Variants in LYPD6B observed in about 807,000 individuals in gnomAD.
LYPD6B encodes the protein ly6/PLAUR domain-containing protein 6B.
LYPD6B carries 17 observed loss-of-function variants against 22.8 expected under a neutral mutation model. The ratio of observed to expected loss-of-function variants is 0.75; its 90% confidence interval spans 0.51 to 1.12. The LOEUF is 1.12. Ranked by LOEUF, LYPD6B falls within the 50% of genes most tolerant of loss-of-function variation. The probability of loss-of-function intolerance (pLI) is 0.00; values close to 1 mark genes in which losing one functional copy is unlikely to be tolerated. For missense variants in LYPD6B, 221 were observed against 258.3 expected, an observed-to-expected ratio of 0.86 and a Z score of 0.99; for synonymous variants, 106 against 91.6, an observed-to-expected ratio of 1.16 and a Z score of -0.90.
chr2:149,047,171 A>T (rs1420669317), intron 1 of LYPD6B, among the ~76,000 whole-genome samples: 2 of 152,154 alleles, frequency 1.3e-5, no homozygotes, highest in African/African-American at 4.8e-5. Flanking sequence ...CTTTGTGTAG[A>T]TCCAAGTTTT....
chr2:149,160,471 A>T, intron 2 of LYPD6B: 1 of 516,430 alleles, frequency 1.9e-6, no homozygotes, highest in Non-Finnish European at 3.8e-6. Flanking sequence ...TTGTGGAGGG[A>T]TGTGATGAGG....
chr2:149,198,681 G>C (rs1438671570), intron 3 of LYPD6B, among the ~76,000 whole-genome samples: 1 of 152,126 alleles, frequency 6.6e-6, no homozygotes, highest in African/African-American at 2.4e-5. Context: ...AAAAGCTTCT[G>C]TCTTTGGCAT....
At chr2:149,079,210 T>G (rs1396645675) in intron 1 of LYPD6B, among the ~76,000 whole-genome samples, 1 of 152,158 alleles carries the variant, frequency 6.6e-6, no homozygotes, top group Non-Finnish European at 1.5e-5. Flanking sequence ...AACTTTGGAC[T>G]GGTATCCAGC....
intron 2 of LYPD6B, among the ~76,000 whole-genome samples, chr2:149,157,390 A>G (rs954795227): frequency 6.6e-6 from 1 of 152,170 alleles, no homozygotes; most frequent in African/African-American, 2.4e-5. Flanking sequence ...TGTTGTTTAA[A>G]TGACATGTTC....
chr2:149,173,349 C>CTTTTTTTTTTTTTTTTTTTTT (rs67113716), intron 3 of LYPD6B, among the ~76,000 whole-genome samples: 13 of 58,484 alleles, frequency 2.2e-4, no homozygotes, highest in African/African-American at 3.9e-4. Flanking sequence ...TCTGTCAGGC[C>CTTTTTTTTTTTTTTTTTTTTT]TTTTTTTTTT....
chr2:149,115,997 G>A (rs1035182993), intron 1 of LYPD6B, among the ~76,000 whole-genome samples: 6 of 152,284 alleles, frequency 3.9e-5, no homozygotes, highest in Non-Finnish European at 5.9e-5. Flanking sequence ...TACTGAGACC[G>A]TATTGCAGTG....
At chr2:149,147,060 G>A (rs568162151) in intron 2 of LYPD6B, among the ~76,000 whole-genome samples, 2 of 152,240 alleles carry the variant, frequency 1.3e-5, no homozygotes, top group South Asian at 4.2e-4. Context: ...AGACTCCAGG[G>A]CGGAGAAGCA....
intron 1 of LYPD6B, among the ~76,000 whole-genome samples, chr2:149,090,558 A>G (rs1685604127): frequency 6.6e-6 from 1 of 152,146 alleles, no homozygotes; most frequent in African/African-American, 2.4e-5. Flanking sequence ...AGGATTGTTC[A>G]TGTTAAACCA....
At chr2:149,199,221 T>C (rs17528452) in intron 3 of LYPD6B, among the ~76,000 whole-genome samples, 15,534 of 152,258 alleles carry the variant, frequency 0.1, 912 homozygotes, top group Non-Finnish European at 0.11. Context: ...AGAAGTTTCC[T>C]GTGTGACTCT....
intron 3 of LYPD6B, among the ~76,000 whole-genome samples, chr2:149,192,341 T>C (rs1692546174): frequency 1.3e-5 from 2 of 152,160 alleles, no homozygotes; most frequent in Admixed American, 6.5e-5. Context: ...TCTTGGATAC[T>C]TTGATATTGG....
At chr2:149,107,219 CA>C (rs1164346551) in intron 1 of LYPD6B, among the ~76,000 whole-genome samples, 1 of 151,956 alleles carries the variant, frequency 6.6e-6, no homozygotes, top group East Asian at 1.9e-4. Context: ...GATGAGATAC[CA>C]CAGTAATCAA....
intron 1 of LYPD6B, among the ~76,000 whole-genome samples, chr2:149,066,430 G>A (rs193111053): frequency 2.5e-4 from 38 of 150,002 alleles, no homozygotes; most frequent in Non-Finnish European, 5.0e-4. Flanking sequence ...TGCAGTGTTT[G>A]GTTTTTTGTC....
intron 6 of LYPD6B, among the ~76,000 whole-genome samples, 180 bp from the exon 7 acceptor site, chr2:149,214,366 A>C (rs962035988): frequency 1.3e-5 from 2 of 152,086 alleles, no homozygotes; most frequent in African/African-American, 4.8e-5. Flanking sequence ...TTTCCCTTCC[A>C]TTCTATTGGC....
intron 1 of LYPD6B, among the ~76,000 whole-genome samples, chr2:149,086,911 A>T (rs938109039): frequency 6.6e-6 from 1 of 152,068 alleles, no homozygotes; most frequent in African/African-American, 2.4e-5. Context: ...TTAAATAAGG[A>T]TATCCGCCAT....
At chr2:149,059,964 T>A (rs988703443) in intron 1 of LYPD6B, among the ~76,000 whole-genome samples, 1 of 151,812 alleles carries the variant, frequency 6.6e-6, no homozygotes, top group Non-Finnish European at 1.5e-5. Flanking sequence ...AGTTGGTGGA[T>A]TTGGTAAACT....
At chr2:149,054,711 C>T (rs1340324826) in intron 1 of LYPD6B, among the ~76,000 whole-genome samples, 1 of 151,760 alleles carries the variant, frequency 6.6e-6, no homozygotes. Flanking sequence ...TCTGTCTCTA[C>T]AAAAAAGAAA....
At chr2:149,184,146 T>C (rs1691941698) in intron 3 of LYPD6B, among the ~76,000 whole-genome samples, 1 of 151,818 alleles carries the variant, frequency 6.6e-6, no homozygotes, top group Non-Finnish European at 1.5e-5. Context: ...GAGCCAAGAT[T>C]GAGCCATTGC....
At chr2:149,209,664 C>G (rs1693720751) in intron 5 of LYPD6B, among the ~76,000 whole-genome samples, 1 of 152,176 alleles carries the variant, frequency 6.6e-6, no homozygotes. Context: ...CCAATAAATA[C>G]TAATCCAATA....
chr2:149,156,621 G>A (rs229321), intron 2 of LYPD6B, among the ~76,000 whole-genome samples: 120,072 of 152,060 alleles, frequency 0.79, 47,662 homozygotes, highest in Non-Finnish European at 0.83. Flanking sequence ...CTGTATGTAC[G>A]TGTCCCGATT....
Sources: allele counts gnomAD v4.1 joint callset (sites outside exome capture counted in the v4.1 genomes callset), GRCh38; gene constraint gnomAD v4.1.1; transcripts MANE v1.5; gene names NCBI Gene and HGNC (gene_info 2026-07-23, HGNC 2026-07-21).